LYZL4: variants seen among roughly 807,000 people sequenced by gnomAD.
LYZL4 encodes lysozyme-like protein 4.
In LYZL4, 13 loss-of-function variants were observed where a neutral mutation model predicts 17.6. The ratio of observed to expected loss-of-function variants is 0.74; its 90% CI spans 0.48 to 1.18. The LOEUF is 1.18. LYZL4 is among the 50% of genes most tolerant of loss of function. The pLI is 0.00. For synonymous variants in LYZL4, 64 were observed against 67.7 expected (o/e 0.95, Z 0.27); for missense variants, 174 against 188.2 (o/e 0.92, Z 0.44).
At chr3:42,406,008 G>A (rs1029987206) in intron 3 of LYZL4, among the ~76,000 whole-genome samples, 2 of 152,106 alleles carry the variant, frequency 1.3e-5, no homozygotes, top group African/African-American at 2.4e-5. Flanking sequence ...AAATGCTCAC[G>A]CAGTTAGTGA....
the LYZL4 span, among the ~76,000 whole-genome samples, chr3:42,370,814 G>A: frequency 6.6e-6 from 1 of 152,206 alleles, no homozygotes; most frequent in African/African-American, 2.4e-5. Flanking sequence ...TTGCAACTCA[G>A]AATGCTGACT....
the LYZL4 span, among the ~76,000 whole-genome samples, chr3:42,373,022 C>A: frequency 1.1e-4 from 17 of 152,128 alleles, no homozygotes; most frequent in East Asian, 2.7e-3. Context: ...GCCTGGCCAA[C>A]ATGGTGAGAC....
chr3:42,369,616 C>T, the LYZL4 span, among the ~76,000 whole-genome samples: 1 of 152,220 alleles, frequency 6.6e-6, no homozygotes, highest in East Asian at 1.9e-4. Flanking sequence ...ACCCCAGGCT[C>T]TCGGAGGCCC....
At chr3:42,397,414 A>T in intron 4 of LYZL4, 80 bp from the exon 5 acceptor site, 1 of 950,088 alleles carries the variant, frequency 1.1e-6, no homozygotes. Flanking sequence ...CATTCAGGCC[A>T]TTTACACCTG....
chr3:42,400,962 A>C (rs1016758249), intron 4 of LYZL4, among the ~76,000 whole-genome samples: 1 of 152,182 alleles, frequency 6.6e-6, no homozygotes, highest in African/African-American at 2.4e-5. Flanking sequence ...CAAAATCTAC[A>C]AACTGGAAAC....
the LYZL4 span, among the ~76,000 whole-genome samples, chr3:42,366,023 C>T: frequency 6.6e-6 from 1 of 152,086 alleles, no homozygotes; most frequent in Non-Finnish European, 1.5e-5. Context: ...GTACCTACTT[C>T]TGGAGAGGCT....
chr3:42,362,417 C>T, the LYZL4 span, among the ~76,000 whole-genome samples: 1,028 of 152,310 alleles, frequency 6.7e-3, 15 homozygotes, highest in African/African-American at 0.024. Flanking sequence ...CACTGAACTG[C>T]TATAACAAGG....
the LYZL4 span, among the ~76,000 whole-genome samples, chr3:42,375,154 C>T: frequency 6.6e-6 from 1 of 152,054 alleles, no homozygotes; most frequent in Non-Finnish European, 1.5e-5. Flanking sequence ...GATCCCCCCG[C>T]CTCCACAAGC....
downstream of LYZL4, among the ~76,000 whole-genome samples, chr3:42,392,233 G>A (rs1013147280): frequency 2.0e-5 from 3 of 152,158 alleles, no homozygotes; most frequent in African/African-American, 7.2e-5. Flanking sequence ...GCCTGCCTTA[G>A]CTGGGAGCAC....
rs184919491 is a variant in LYZL4 at position 42,406,902 on chromosome 3, C to T, written c.236G>A (p.Arg79His). 30 of 1,614,234 alleles carry T rather than the reference C, an allele frequency of 1.9e-5. No individual in the cohort carries two copies. The highest frequency in any genetic ancestry group is 1.3e-4 in the South Asian group (12 of 91,088). ...GYTGFGLFQM[R>H]GSDWCGDHGR... ...ATGGTCGCCACACCAGTCACTGCCA[C>T]GCATCTGAAAGAGGCCAAAGCCAGT... The change falls in exon 3 of 5, where the codon CGT (arginine) becomes CAT (histidine). Residue 79 changes from arginine (R) to histidine (H), a missense_variant. Physicochemically the swap from Arg to His is conservative, Grantham distance 29. Coordinates refer to ENST00000287748, the MANE Select transcript of LYZL4 (RefSeq NM_144634.4).
chr3:42,396,945 A>T (rs1006494836), downstream of LYZL4: 10 of 202,558 alleles, frequency 4.9e-5, no homozygotes, highest in Admixed American at 5.3e-5. Context: ...ATTGACATTC[A>T]TGGACACATC....
downstream of LYZL4, among the ~76,000 whole-genome samples, chr3:42,392,309 C>A (rs977267226): frequency 2.6e-5 from 4 of 152,090 alleles, no homozygotes; most frequent in African/African-American, 4.8e-5. Flanking sequence ...GATGGGGCTG[C>A]AGATGGTCTT....
the LYZL4 span, among the ~76,000 whole-genome samples, chr3:42,375,200 T>C: frequency 6.6e-6 from 1 of 152,206 alleles, no homozygotes; most frequent in Non-Finnish European, 1.5e-5. Context: ...TTCTGAGTTC[T>C]ATCCTGTCTT....
chr3:42,371,109 C>T, the LYZL4 span, among the ~76,000 whole-genome samples: 1 of 152,172 alleles, frequency 6.6e-6, no homozygotes, highest in Non-Finnish European at 1.5e-5. Context: ...TCGAGGAAGT[C>T]CTTCCTGATT....
At chr3:42,362,717 G>A in the LYZL4 span, among the ~76,000 whole-genome samples, 1 of 152,102 alleles carries the variant, frequency 6.6e-6, no homozygotes, top group Non-Finnish European at 1.5e-5. Flanking sequence ...TGGGAATTAG[G>A]TTTCAATTTA....
intron 1 of LYZL4, 152 bp from the exon 2 acceptor site, chr3:42,407,495 A>T: frequency 1.9e-6 from 1 of 531,494 alleles, no homozygotes; most frequent in East Asian, 3.3e-5. Context: ...CCTCCTCTTG[A>T]CCTCCTATTT....
chr3:42,366,113 C>G, the LYZL4 span, among the ~76,000 whole-genome samples: 1 of 151,918 alleles, frequency 6.6e-6, no homozygotes, highest in Non-Finnish European at 1.5e-5. Context: ...CCCCAGGCCA[C>G]TAGATAAAAG....
At chr3:42,386,105 T>C in the LYZL4 span, among the ~76,000 whole-genome samples, 6,259 of 152,014 alleles carry the variant, frequency 0.041, 430 homozygotes, top group African/African-American at 0.14. Context: ...CATCCTTTTT[T>C]TTTCTTTCTT....
chr3:42,372,789 A>G, the LYZL4 span, among the ~76,000 whole-genome samples: 4 of 152,202 alleles, frequency 2.6e-5, no homozygotes, highest in Non-Finnish European at 5.9e-5. Context: ...GCTGCTGGCA[A>G]TTGACATATG....
Sources: allele counts gnomAD v4.1 joint callset (sites outside exome capture counted in the v4.1 genomes callset), GRCh38; gene constraint gnomAD v4.1.1; transcripts MANE v1.5; gene names NCBI Gene and HGNC (gene_info 2026-07-23, HGNC 2026-07-21).